GPM6A: variants seen among roughly 807,000 people sequenced by gnomAD.
The protein encoded by GPM6A is glycoprotein M6A.
GPM6A carries 7 observed loss-of-function variants against 32.1 expected under a neutral mutation model. The observed-to-expected ratio is 0.22, with a 90% CI of 0.12 to 0.41. GPM6A has a LOEUF of 0.41. Ranked by LOEUF, GPM6A falls within the 10% of genes least tolerant of loss-of-function variation. The pLI, the probability that GPM6A is intolerant of heterozygous loss-of-function variation, is 1.00. For synonymous variants in GPM6A, 130 were observed against 123.4 expected (o/e 1.05, Z -0.35); for missense variants, 235 against 347.2 (o/e 0.68, Z 2.57).
intron 1 of GPM6A, among the ~76,000 whole-genome samples, chr4:175,733,273 G>A (rs1013995684): frequency 6.6e-6 from 1 of 152,154 alleles, no homozygotes; most frequent in African/African-American, 2.4e-5. Context: ...GGAGGCTGAG[G>A]CAGGCGGATC....
At chr4:175,860,304 T>C (rs1351779826) in intron 1 of GPM6A, among the ~76,000 whole-genome samples, 1 of 151,764 alleles carries the variant, frequency 6.6e-6, no homozygotes, top group African/African-American at 2.4e-5. Context: ...ACTTTAGCCA[T>C]CTGATTAAGA....
chr4:175,723,587 A>G lies in GPM6A; in HGVS notation c.38-21820T>C, dbSNP rs138432011. 8.8e-3 allele frequency among the ~76,000 whole-genome samples: 1,342 copies of G among 152,292 alleles called. 19 individuals carry two copies. The highest frequency in any genetic ancestry group is 0.03 in the African/African-American group (1,261 of 41,558). On this transcript the variant is annotated intron_variant, in intron 1 of 6. Coordinates refer to ENST00000393658, the MANE Select transcript of GPM6A (RefSeq NM_201591.3). ...TGCTATATTTTCACCAAAAAGTTCC[A>G]GAAATTGAACTCATAAACTTACTGT...
chr4:175,863,602 A>G (rs1445802684), intron 1 of GPM6A, among the ~76,000 whole-genome samples: 1 of 152,152 alleles, frequency 6.6e-6, no homozygotes, highest in South Asian at 2.1e-4. Context: ...AATATCCAGG[A>G]GTGACATTAC....
At chr4:175,818,717 G>T (rs541646793) in intron 1 of GPM6A, among the ~76,000 whole-genome samples, 2 of 152,324 alleles carry the variant, frequency 1.3e-5, no homozygotes, top group African/African-American at 4.8e-5. Context: ...ATTTTAGAGG[G>T]TGAACATAAT....
intron 1 of GPM6A, among the ~76,000 whole-genome samples, chr4:175,921,876 C>T (rs1425740712): frequency 6.6e-6 from 1 of 152,136 alleles, no homozygotes; most frequent in African/African-American, 2.4e-5. Context: ...ACAGCTGGTA[C>T]AGGAAGTCTA....
intron 1 of GPM6A, among the ~76,000 whole-genome samples, chr4:175,766,659 T>G (rs2111222613): frequency 6.7e-6 from 1 of 149,896 alleles, no homozygotes; most frequent in African/African-American, 2.5e-5. Context: ...TACTCTTTTT[T>G]TTTTTTTTTT....
chr4:175,979,600 A>G (rs963167150), intron 1 of GPM6A, among the ~76,000 whole-genome samples: 4 of 148,590 alleles, frequency 2.7e-5, no homozygotes, highest in Admixed American at 6.6e-5. Context: ...TTAAAGTATA[A>G]TAAAAAAAAT....
At chr4:175,906,501 T>G (rs1738134770) in intron 1 of GPM6A, among the ~76,000 whole-genome samples, 1 of 151,984 alleles carries the variant, frequency 6.6e-6, no homozygotes, top group African/African-American at 2.4e-5. Context: ...TGCTCTTATT[T>G]TTCTCTCCTC....
chr4:175,664,935 C>G (rs1018716584), intron 3 of GPM6A, among the ~76,000 whole-genome samples: 2 of 151,500 alleles, frequency 1.3e-5, no homozygotes, highest in African/African-American at 4.9e-5. Flanking sequence ...CTATTGTTCT[C>G]AGGCCGTAAA....
intron 1 of GPM6A, among the ~76,000 whole-genome samples, chr4:175,773,804 C>G (rs1004263151): frequency 6.6e-6 from 1 of 152,086 alleles, no homozygotes; most frequent in Non-Finnish European, 1.5e-5. Flanking sequence ...AGACAAAAGG[C>G]TTGCCCGAGC....
rs554001494 is a variant in GPM6A at position 175,920,470 on chromosome 4, T to C, written c.-23+81839A>G. Among the ~76,000 whole-genome samples, 7 of 152,334 alleles carry C rather than the reference T, an allele frequency of 4.6e-5. No individual in the cohort carries two copies. In the East Asian group the frequency reaches 1.2e-3, roughly 25 times the overall value. On this transcript the variant is annotated intron_variant, in intron 1 of 7. Coordinates refer to the GPM6A transcript ENST00000280187. ...TAACTAATATCACTGGTAGTGTTAA[T>C]CTAGATGATGATATAATTTGGTTAT...
chr4:175,654,798 A>G (rs1224155552), intron 3 of GPM6A, among the ~76,000 whole-genome samples: 1 of 151,174 alleles, frequency 6.6e-6, no homozygotes, highest in East Asian at 1.9e-4. Context: ...GCTAATGTAT[A>G]GTCTCTAGAA....
intron 6 of GPM6A, among the ~76,000 whole-genome samples, chr4:175,639,443 C>A (rs1741006748): frequency 6.6e-6 from 1 of 152,096 alleles, no homozygotes; most frequent in East Asian, 1.9e-4. Flanking sequence ...GGGCTCTAGA[C>A]TACTCATCCT....
At chr4:175,759,147 C>T (rs1579467371) in intron 1 of GPM6A, among the ~76,000 whole-genome samples, 1 of 152,006 alleles carries the variant, frequency 6.6e-6, no homozygotes, top group Non-Finnish European at 1.5e-5. Flanking sequence ...TTTCTGAGAC[C>T]GCAAATCTCA....
intron 3 of GPM6A, among the ~76,000 whole-genome samples, chr4:175,662,349 C>T (rs1184830384): frequency 1.3e-5 from 2 of 152,042 alleles, no homozygotes; most frequent in African/African-American, 2.4e-5. Context: ...CCTGTAATCC[C>T]GGCACTTTCA....
intron 4 of GPM6A, among the ~76,000 whole-genome samples, chr4:175,648,287 T>C (rs1741588360): frequency 6.6e-6 from 1 of 152,104 alleles, no homozygotes; most frequent in Non-Finnish European, 1.5e-5. Flanking sequence ...TAGACTGCAG[T>C]AGGCAAAAAA....
intron 1 of GPM6A, among the ~76,000 whole-genome samples, chr4:175,728,378 G>T (rs1276293319): frequency 6.6e-6 from 1 of 152,120 alleles, no homozygotes; most frequent in Non-Finnish European, 1.5e-5. Flanking sequence ...ATCTTTGTCA[G>T]ATGTTATTTT....
intron 2 of GPM6A, among the ~76,000 whole-genome samples, chr4:175,676,651 CT>C (rs1743384238): frequency 6.6e-6 from 1 of 152,138 alleles, no homozygotes. Context: ...GAGGCTGAAG[CT>C]GCAGTATTGT....
intron 1 of GPM6A, among the ~76,000 whole-genome samples, chr4:175,897,212 G>C (rs754968852): frequency 2.0e-5 from 3 of 152,080 alleles, no homozygotes; most frequent in Non-Finnish European, 4.4e-5. Context: ...GGTGTCCAGG[G>C]TCAGTGCAAG....
Sources: allele counts gnomAD v4.1 joint callset (sites outside exome capture counted in the v4.1 genomes callset), GRCh38; gene constraint gnomAD v4.1.1; transcripts MANE v1.5; gene names NCBI Gene and HGNC (gene_info 2026-07-23, HGNC 2026-07-21).